RYR3: variants seen among roughly 807,000 people sequenced by gnomAD.
RYR3 encodes the protein ryanodine receptor 3.
RYR3 carries 207 observed loss-of-function variants against 584.3 expected under a neutral mutation model. The ratio of observed to expected loss-of-function variants is 0.35; its 90% confidence interval spans 0.32 to 0.40. The LOEUF is 0.40. RYR3 is among the 10% of genes least tolerant of loss of function. The pLI, the probability that RYR3 is intolerant of heterozygous loss-of-function variation, is 1.00. For missense variants in RYR3, 5,616 were observed against 6,089.2 expected, an observed-to-expected ratio of 0.92 and a Z score of 2.59; for synonymous variants, 2,416 against 2,248.5, an observed-to-expected ratio of 1.07 and a Z score of -2.11.
chr15:33,484,395 T>A (rs2050234071), intron 2 of RYR3, among the ~76,000 whole-genome samples: 1 of 152,180 alleles, frequency 6.6e-6, no homozygotes, highest in South Asian at 2.1e-4. Context: ...TCACTCAATT[T>A]AATTTCCTCT....
At chr15:33,533,225 G>T in intron 4 of RYR3, 86 bp from the exon 5 acceptor site, 2 of 878,402 alleles carry the variant, frequency 2.3e-6, no homozygotes, top group Non-Finnish European at 3.7e-6. Flanking sequence ...GCTCATTGTT[G>T]AACTTAACTA....
At chr15:33,466,064 T>C (rs190544281) in intron 1 of RYR3, among the ~76,000 whole-genome samples, 2 of 152,320 alleles carry the variant, frequency 1.3e-5, no homozygotes, top group African/African-American at 4.8e-5. Flanking sequence ...AGTTGAGATG[T>C]TGAGTAGCAT....
chr15:33,724,268 G>T (rs778449380), intron 45 of RYR3, 92 bp downstream of exon 45: 6 of 718,488 alleles, frequency 8.4e-6, no homozygotes, highest in Non-Finnish European at 1.4e-5. Context: ...TCTGTCTCTG[G>T]CATTTGCTAA....
chr15:33,357,795 G>C (rs961839987), intron 1 of RYR3, among the ~76,000 whole-genome samples: 5 of 152,254 alleles, frequency 3.3e-5, no homozygotes, highest in Middle Eastern at 3.4e-3. Flanking sequence ...CAAACATACA[G>C]GGTAATCTTC....
rs1235746961 is a variant in RYR3 at position 33,494,104 on chromosome 15, T to C, written c.172-9527T>C. 1.5e-4 allele frequency among the ~76,000 whole-genome samples: 3 copies of C among 19,592 alleles called. No individual in the cohort carries two copies. The African/African-American group carries it at 1.7e-3, about 11-fold the overall frequency. The allele number at this position is 19,592 out of a possible 152,430, so 12.9% of individuals were successfully genotyped here. A position where few individuals can be genotyped will look rare whatever the true frequency, so the allele number is the denominator to read the frequency against. On this transcript the variant is annotated intron_variant, in intron 2 of 103. Transcript: ENST00000634891. ...GCAAAGAAACAGTGATTGTGGCTAT[T>C]TTTTTTTTTAGCTCTTTATCACATT...
chr15:33,789,658 A>ATTTTTTTTT (rs869151934), intron 67 of RYR3, among the ~76,000 whole-genome samples: 2 of 12,782 alleles, frequency 1.6e-4, no homozygotes, highest in Admixed American at 2.1e-3. Context: ...ATATATATAT[A>ATTTTTTTTT]TTTTTTTTTT....
At chr15:33,421,435 G>A (rs899321949) in intron 1 of RYR3, among the ~76,000 whole-genome samples, 30 of 152,204 alleles carry the variant, frequency 2.0e-4, no homozygotes, top group African/African-American at 6.5e-4. Flanking sequence ...GAGGATGGAA[G>A]TAATCTAATC....
At position 33,857,690 on chromosome 15, in the gene RYR3, C is replaced by A. The variant is rs376368067; in HGVS notation, c.14008-90C>A. ...TTTCCTCTCCTTGCCCGTCCTCACT[C>A]TTCCTCCTCGTTTTCTTAGAGTCTC... On this transcript the variant is annotated intron_variant, in intron 98 of 103. Transcript: ENST00000634891. 50 of 1,532,828 alleles carry A rather than the reference C, an allele frequency of 3.3e-5. No homozygotes were observed. In the East Asian group the frequency reaches 5.6e-4, roughly 17 times the overall value. 95.0% of individuals were successfully genotyped at this position (1,532,828 alleles called of 1,614,324 possible).
At chr15:33,456,140 T>C (rs1261508642) in intron 1 of RYR3, among the ~76,000 whole-genome samples, 1 of 152,224 alleles carries the variant, frequency 6.6e-6, no homozygotes, top group Non-Finnish European at 1.5e-5. Flanking sequence ...TCCTCTGCTA[T>C]GTTTTTAGGG....
chr15:33,581,352 A>AG (rs1010385943), intron 13 of RYR3, among the ~76,000 whole-genome samples, 156 bp from the exon 14 acceptor site: 2 of 152,098 alleles, frequency 1.3e-5, no homozygotes, highest in African/African-American at 4.8e-5. Context: ...TGTTTTTAGG[A>AG]GGGAAAAAAA....
intron 42 of RYR3, among the ~76,000 whole-genome samples, chr15:33,702,929 A>G (rs2066412950): frequency 6.6e-6 from 1 of 152,106 alleles, no homozygotes; most frequent in Non-Finnish European, 1.5e-5. Flanking sequence ...CGCATAGTGA[A>G]CGTGGGGTGG....
intron 43 of RYR3, among the ~76,000 whole-genome samples, chr15:33,719,619 C>G (rs1362480682): frequency 1.3e-5 from 2 of 152,176 alleles, no homozygotes; most frequent in Non-Finnish European, 2.9e-5. Flanking sequence ...GATGTATGTG[C>G]TACCTGATAA....
At chr15:33,386,351 T>C (rs2041602050) in intron 1 of RYR3, among the ~76,000 whole-genome samples, 1 of 152,232 alleles carries the variant, frequency 6.6e-6, no homozygotes. Flanking sequence ...ACTGAGCCCA[T>C]ATCTTGGAGA....
rs202185923 is a variant in RYR3, at chr15:33,696,339, G to A, written c.5982G>A (p.Gly1994=). 348 of 1,613,336 alleles carry A rather than the reference G, an allele frequency of 2.2e-4. No individual in the cohort carries two copies. Among genetic ancestry groups the A allele is most frequent in the Non-Finnish European group, 2.8e-4 (334 of 1,179,778 alleles). ...NLLRRQYDSI[G]ELLQALRKTY... ...TCCGGAGGCAGTATGACAGCATTGG[G>A]GAGCTGCTGCAGGCGCTGCGGAAGA... The change falls in exon 39 of 104, where the codon GGG becomes GGA. Residue 1994 remains glycine, a synonymous_variant. Coordinates refer to ENST00000634891, the MANE Select transcript of RYR3 (RefSeq NM_001036.6).
chr15:33,777,921 G>A (rs906581074), intron 64 of RYR3, among the ~76,000 whole-genome samples: 2 of 152,132 alleles, frequency 1.3e-5, no homozygotes, highest in African/African-American at 4.8e-5. Flanking sequence ...TGTAATCCCA[G>A]CACTTTGGGA....
At chr15:33,336,828 G>C (rs546356175) in intron 1 of RYR3, among the ~76,000 whole-genome samples, 4 of 151,534 alleles carry the variant, frequency 2.6e-5, no homozygotes, top group South Asian at 4.2e-4. Context: ...GGCTGAGGCG[G>C]GCGGATCACG....
chr15:33,585,891 G>A, intron 15 of RYR3, 107 bp from the exon 16 acceptor site: 2 of 653,354 alleles, frequency 3.1e-6, no homozygotes, highest in South Asian at 1.9e-5. Context: ...AAGAATTGAC[G>A]ATATCCTGTC....
chr15:33,608,182 C>A (rs1229598436), intron 18 of RYR3, among the ~76,000 whole-genome samples: 1 of 152,192 alleles, frequency 6.6e-6, no homozygotes, highest in Non-Finnish European at 1.5e-5. Context: ...GCCCATTTTA[C>A]AGATGGGGAA....
chr15:33,333,933 T>C (rs980345311), intron 1 of RYR3, among the ~76,000 whole-genome samples: 12 of 152,088 alleles, frequency 7.9e-5, no homozygotes, highest in African/African-American at 2.4e-4. Context: ...CAATTCACAA[T>C]TGCCACAAGA....
Sources: gnomAD v4.1 joint callset for allele counts (sites outside exome capture counted in the v4.1 genomes callset) on GRCh38, gnomAD v4.1.1 for gene constraint, MANE v1.5 for transcripts, NCBI Gene and HGNC (gene_info 2026-07-23, HGNC 2026-07-21) for gene names.